Variants in KSR2 observed in about 807,000 individuals in gnomAD.
KSR2 encodes kinase suppressor of ras 2.
In KSR2, 25 loss-of-function variants were observed where a neutral mutation model predicts 107.8. The observed-to-expected ratio is 0.23, with a 90% CI of 0.17 to 0.32. The LOEUF is 0.32. Among genes scored for constraint, KSR2 ranks in the 10% least tolerant of loss-of-function variants. The probability of loss-of-function intolerance (pLI) is 1.00; values close to 1 mark genes in which losing one functional copy is unlikely to be tolerated. For missense variants in KSR2, 887 were observed against 1,268.9 expected, an observed-to-expected ratio of 0.70 and a Z score of 4.57; for synonymous variants, 480 against 507.0, an observed-to-expected ratio of 0.95 and a Z score of 0.71.
chr12:117,488,848 T>G (rs535353655), intron 14 of KSR2, among the ~76,000 whole-genome samples: 2 of 152,170 alleles, frequency 1.3e-5, no homozygotes, highest in Admixed American at 1.3e-4. Context: ...AGGCTCAATT[T>G]CTGTTGTTTC....
chr12:117,517,925 C>T (rs922991237), intron 14 of KSR2: 30 of 453,124 alleles, frequency 6.6e-5, no homozygotes, highest in Admixed American at 6.4e-4. Flanking sequence ...GGAGTTACCA[C>T]CTTAACAGAA....
intron 4 of KSR2, among the ~76,000 whole-genome samples, chr12:117,697,452 A>G (rs1345855985): frequency 6.6e-6 from 1 of 152,200 alleles, no homozygotes; most frequent in Non-Finnish European, 1.5e-5. Context: ...ACTTCAATAA[A>G]AAGCTTTCTG....
At chr12:117,731,630 C>G (rs658978) in intron 4 of KSR2, among the ~76,000 whole-genome samples, 1 of 151,712 alleles carries the variant, frequency 6.6e-6, no homozygotes, top group African/African-American at 2.4e-5. Context: ...AGAGATCAGA[C>G]TGTTACTGTG....
chr12:117,495,704 ACT>A (rs1047449722), intron 14 of KSR2, among the ~76,000 whole-genome samples: 2 of 152,034 alleles, frequency 1.3e-5, no homozygotes, highest in Admixed American at 6.6e-5. Context: ...GGAAGCGTAG[ACT>A]CTCTGTCTTG....
intron 3 of KSR2, among the ~76,000 whole-genome samples, chr12:117,784,285 G>A (rs945288466): frequency 6.6e-6 from 1 of 152,150 alleles, no homozygotes; most frequent in Non-Finnish European, 1.5e-5. Context: ...ATGGTAGTGA[G>A]TAAGTCTCAC....
intron 4 of KSR2, among the ~76,000 whole-genome samples, chr12:117,688,269 A>G (rs773762059): frequency 2.6e-5 from 4 of 152,172 alleles, no homozygotes; most frequent in Non-Finnish European, 4.4e-5. Flanking sequence ...AATCCCAGCT[A>G]CTTGGGAGGC....
Position 117,688,826 on chromosome 12 carries a change from C to T in KSR2, c.987-21168G>A, listed in dbSNP as rs531939657. ...TGGAGGACGACTCAGATTCCTCTGCCTTCCCCACTGGAAAAGCCCATAGTG... is the reference window on the plus strand; with the variant it reads ...TGGAGGACGACTCAGATTCCTCTGCTTTCCCCACTGGAAAAGCCCATAGTG... On this transcript the variant is annotated intron_variant, in intron 4 of 19. Transcript: ENST00000339824. 4.6e-5 allele frequency among the ~76,000 whole-genome samples: 7 copies of T among 152,326 alleles called. No individual in the cohort carries two copies. The South Asian group carries it at 1.2e-3, about 27-fold the overall frequency.
At chr12:117,497,892 G>A (rs920799998) in intron 14 of KSR2, among the ~76,000 whole-genome samples, 4 of 152,198 alleles carry the variant, frequency 2.6e-5, no homozygotes, top group African/African-American at 9.6e-5. Context: ...TTTTGCACAA[G>A]TGCGTGTGAT....
rs373262140 is a variant in KSR2 at position 117,610,827 on chromosome 12, G to GAGAC, written c.1172-28472_1172-28469dup. 6.6e-5 allele frequency among the ~76,000 whole-genome samples: 10 copies of GAGAC among 151,352 alleles called. 1 individual carries two copies. Among genetic ancestry groups the GAGAC allele is most frequent in the African/African-American group, 1.7e-4 (7 of 41,212 alleles). On this transcript the variant is annotated intron_variant, in intron 5 of 19. Transcript: ENST00000339824. ...ACATGTATAAGTAGGTAGGTAGGTAGAGACAGACAGACAGACAGACATATA... is the reference window on the plus strand; with the variant it reads ...ACATGTATAAGTAGGTAGGTAGGTAGAGACAGACAGACAGACAGACAGACATATA...
intron 13 of KSR2, among the ~76,000 whole-genome samples, chr12:117,526,057 G>A (rs1374335821): frequency 3.9e-5 from 6 of 152,206 alleles, no homozygotes; most frequent in African/African-American, 1.4e-4. Flanking sequence ...GGCCTGTTAA[G>A]TTCTTTGTAC....
chr12:117,795,902 C>T (rs1890608056), intron 3 of KSR2, among the ~76,000 whole-genome samples: 1 of 152,114 alleles, frequency 6.6e-6, no homozygotes, highest in South Asian at 2.1e-4. Context: ...TGAGCCGCCA[C>T]ATCTGGCCAA....
chr12:117,731,993 C>T (rs1015526280), intron 4 of KSR2, among the ~76,000 whole-genome samples: 2 of 149,056 alleles, frequency 1.3e-5, no homozygotes, highest in Admixed American at 1.4e-4. Context: ...ATGACCCTGC[C>T]AAATCCCCCT....
rs1871026288 is a variant in KSR2 at position 117,463,899 on chromosome 12, TA to T, written c.*3299del. The T allele has an allele frequency of 6.6e-6, 1 of 152,184 alleles. No homozygotes were observed. The highest frequency in any genetic ancestry group is 6.5e-5 in the Admixed American group (1 of 15,272). 9.4% of individuals were successfully genotyped at this position (152,184 alleles called of 1,614,324 possible). A position where few individuals can be genotyped will look rare whatever the true frequency, so the allele number is the denominator to read the frequency against. ...ACTAGGTTCCCTGGATACAAAAGTC[TA>T]GTGGTCAATATCAGTCAAGGGCTTC... On this transcript the variant is annotated 3_prime_UTR_variant, in exon 20 of 20. Coordinates refer to ENST00000339824, the MANE Select transcript of KSR2 (RefSeq NM_173598.6).
At chr12:117,699,474 TG>T (rs1354944903) in intron 4 of KSR2, among the ~76,000 whole-genome samples, 3 of 152,204 alleles carry the variant, frequency 2.0e-5, no homozygotes, top group African/African-American at 7.2e-5. Context: ...ACTACACACC[TG>T]GGTGATGTAG....
chr12:117,576,824 T>TTGTGTG (rs1368345802), intron 7 of KSR2, among the ~76,000 whole-genome samples: 1 of 150,300 alleles, frequency 6.7e-6, no homozygotes, highest in Non-Finnish European at 1.5e-5. Context: ...TTTTATTTAT[T>TTGTGTG]TGTGTGTGTG....
chr12:117,797,557 C>G (rs566817320), intron 3 of KSR2, among the ~76,000 whole-genome samples: 1 of 152,150 alleles, frequency 6.6e-6, no homozygotes, highest in Non-Finnish European at 1.5e-5. Context: ...TGGAACTAGA[C>G]AGAGGCATAA....
intron 4 of KSR2, among the ~76,000 whole-genome samples, chr12:117,744,360 T>C (rs1003088466): frequency 3.9e-5 from 6 of 152,186 alleles, no homozygotes; most frequent in African/African-American, 1.4e-4. Context: ...AGTGATAATC[T>C]TCCCATGCGT....
chr12:117,476,701 C>T, intron 16 of KSR2, 106 bp from the exon 17 acceptor site: 1 of 1,251,066 alleles, frequency 8.0e-7, no homozygotes. Context: ...GCCCTTCTCG[C>T]TTCCCACATT....
rs911952902 is a variant in KSR2 at position 117,907,007 on chromosome 12, G to A, written c.181-46576C>T. ...TGCACTCCAGCCTGGGTGACAGAGC[G>A]AGACCCTGTCCAAAAAGATCCAAAA... On this transcript the variant is annotated intron_variant, in intron 1 of 19. Coordinates refer to ENST00000339824, the MANE Select transcript of KSR2 (RefSeq NM_173598.6). The surrounding 1 kb of genome is among the most constrained non-coding windows in gnomAD (Gnocchi z 4.3). Among the ~76,000 whole-genome samples, 27 of 152,238 alleles carry A rather than the reference G, an allele frequency of 1.8e-4. No individual in the cohort carries two copies. The highest frequency in any genetic ancestry group is 1.4e-3 in the Admixed American group (22 of 15,280).
Sources: gnomAD v4.1 joint callset for allele counts (sites outside exome capture counted in the v4.1 genomes callset) on GRCh38, gnomAD v4.1.1 for gene constraint, Gnocchi (gnomAD v3.1) non-coding constraint, MANE v1.5 for transcripts, NCBI Gene and HGNC (gene_info 2026-07-23, HGNC 2026-07-21) for gene names.